Variants in PROS1 observed in about 807,000 individuals in gnomAD.
The protein encoded by PROS1 is vitamin K-dependent protein S.
PROS1 carries 29 observed loss-of-function variants against 75.9 expected under a neutral mutation model. The observed-to-expected ratio is 0.38, with a 90% confidence interval of 0.28 to 0.52. The LOEUF is 0.52. Ranked by LOEUF, PROS1 falls within the 20% of genes least tolerant of loss-of-function variation. The pLI is 0.83. For missense variants in PROS1, 680 were observed against 810.3 expected (o/e 0.84, Z 1.95); for synonymous variants, 245 against 280.6 (o/e 0.87, Z 1.27).
rs758379926 is a variant in PROS1 at position 93,906,166 on chromosome 3, TA to T, written c.347-24del. Reference sequence around the variant, plus strand: ...TGGCTGAAGGAAATAGACATCTATTTATTTTTTTTATCTCATGTCATGGAAA... The same window carrying T: ...TGGCTGAAGGAAATAGACATCTATTTTTTTTTTTATCTCATGTCATGGAAA... On this transcript the variant is annotated intron_variant, in intron 4 of 14. Coordinates refer to ENST00000394236, the MANE Select transcript of PROS1 (RefSeq NM_000313.4). 4.3e-5 allele frequency: 70 copies of T among 1,611,336 alleles called. No homozygotes were observed. In the East Asian group the frequency reaches 1.1e-3, roughly 26 times the overall value.
rs144370793 is a variant in PROS1, at chr3:93,951,350, G to A, written c.76+22324C>T. ...ATATTAAGGGCAGCCAGAGAGAAAC[G>A]TGAGGTTACCCACAAAGGGAATCCC... On this transcript the variant is annotated intron_variant, in intron 1 of 14. Transcript: ENST00000394236. Among the ~76,000 whole-genome samples, 47 of 152,298 alleles carry A rather than the reference G, an allele frequency of 3.1e-4. No homozygotes were observed. In the East Asian group the frequency reaches 8.3e-3, roughly 27 times the overall value.
At chr3:93,965,751 G>A (rs564100243) in intron 1 of PROS1, among the ~76,000 whole-genome samples, 2 of 152,238 alleles carry the variant, frequency 1.3e-5, no homozygotes, top group South Asian at 4.1e-4. Context: ...CTGGAGTGCA[G>A]TGGCATGATC....
intron 1 of PROS1, among the ~76,000 whole-genome samples, chr3:93,961,570 T>G (rs920702170): frequency 1.3e-5 from 2 of 152,200 alleles, no homozygotes; most frequent in African/African-American, 4.8e-5. Context: ...CTTGTGAGAT[T>G]CTGAGCAACT....
chr3:93,915,206 C>T (rs1412213187), intron 3 of PROS1, among the ~76,000 whole-genome samples: 1 of 152,180 alleles, frequency 6.6e-6, no homozygotes, highest in African/African-American at 2.4e-5. Context: ...GTAGCTCATA[C>T]CTGTAATCCC....
At chr3:93,927,193 T>G in intron 2 of PROS1, 57 bp downstream of exon 2, 1 of 1,593,626 alleles carries the variant, frequency 6.3e-7, no homozygotes, top group Non-Finnish European at 8.6e-7. Context: ...CTGGAAATGT[T>G]CAGTCTGTAG....
At chr3:93,876,168 C>T (rs1266366345) in intron 14 of PROS1, among the ~76,000 whole-genome samples, 1 of 152,174 alleles carries the variant, frequency 6.6e-6, no homozygotes, top group Admixed American at 6.5e-5. Flanking sequence ...TCCTCAGTTT[C>T]CTCATCTGTA....
Position 93,927,219 on chromosome 3 carries a change from T to C in PROS1, c.234+31A>G, listed in dbSNP as rs752638877. ...CAGTCTGTAGTTGTATGTCTAGATG[T>C]GTGAACTTGATAGTTTCCATAAATG... On this transcript the variant is annotated intron_variant, in intron 2 of 14. Transcript: ENST00000394236. The C allele has an allele frequency of 8.7e-6, 14 of 1,611,658 alleles. No individual in the cohort carries two copies. The Admixed American group carries it at 2.3e-4, about 27-fold the overall frequency.
At chr3:93,880,798 GATTA>G (rs1708266181) in intron 12 of PROS1, among the ~76,000 whole-genome samples, 1 of 152,052 alleles carries the variant, frequency 6.6e-6, no homozygotes, top group Non-Finnish European at 1.5e-5. Flanking sequence ...TCCATGAAAT[GATTA>G]ATTACTTATT....
chr3:93,949,510 T>C (rs1418840427), intron 1 of PROS1, among the ~76,000 whole-genome samples: 1 of 152,058 alleles, frequency 6.6e-6, no homozygotes, highest in Non-Finnish European at 1.5e-5. Flanking sequence ...CAATCTGTAC[T>C]AGTAAAAATC....
intron 1 of PROS1, 25 bp from the exon 2 acceptor site, chr3:93,927,432 G>A (rs1308903648): frequency 6.2e-7 from 1 of 1,608,276 alleles, no homozygotes; most frequent in South Asian, 1.1e-5. Context: ...CAGTTTATAT[G>A]AATTAATCAT....
At chr3:93,938,770 C>T (rs554875711) in intron 1 of PROS1, among the ~76,000 whole-genome samples, 118 of 152,266 alleles carry the variant, frequency 7.7e-4, no homozygotes, top group African/African-American at 2.7e-3. Flanking sequence ...GGGAAGACAG[C>T]CTTCCCTTGG....
In PROS1 at chr3:93,892,845, T is replaced by C. The variant is rs1399107634; in HGVS notation, c.1155+88A>G. The C allele has an allele frequency of 5.5e-6, 7 of 1,269,754 alleles. No individual in the cohort carries two copies. The Admixed American group carries it at 1.2e-4, about 21-fold the overall frequency. 78.7% of individuals were successfully genotyped at this position (1,269,754 alleles called of 1,614,324 possible). A position where few individuals can be genotyped will look rare whatever the true frequency, so the allele number is the denominator to read the frequency against. On this transcript the variant is annotated intron_variant, in intron 10 of 14. Transcript: ENST00000394236. ...TAGCATCAGATAACTCCAAATCCAT[T>C]TTGGTTTGGTATCACTATAAAAATA...
At chr3:93,903,410 T>A (rs937119423) in intron 6 of PROS1, among the ~76,000 whole-genome samples, 7 of 152,126 alleles carry the variant, frequency 4.6e-5, no homozygotes, top group Admixed American at 2.0e-4. Flanking sequence ...ATGCCTGTAA[T>A]CCCACGACCT....
chr3:93,938,914 G>T (rs182498347), intron 1 of PROS1, among the ~76,000 whole-genome samples: 35 of 152,134 alleles, frequency 2.3e-4, no homozygotes, highest in Admixed American at 2.1e-3. Context: ...GCCTGCTTTG[G>T]CTGCTCACCC....
intron 1 of PROS1, among the ~76,000 whole-genome samples, chr3:93,946,954 C>T (rs908688073): frequency 2.8e-4 from 42 of 151,358 alleles, no homozygotes; most frequent in African/African-American, 8.0e-4. Context: ...CTACAAAGAA[C>T]TTAAGCAAAT....
intron 1 of PROS1, among the ~76,000 whole-genome samples, chr3:93,928,373 A>G (rs1709058149): frequency 2.0e-5 from 3 of 151,754 alleles, no homozygotes. Context: ...GCCTATGTCA[A>G]AAGCCATAGT....
intron 1 of PROS1, among the ~76,000 whole-genome samples, chr3:93,950,500 G>A (rs552735834): frequency 2.4e-4 from 37 of 152,276 alleles, no homozygotes; most frequent in African/African-American, 8.7e-4. Context: ...GAGGAAGGGT[G>A]AGGCAGCGAC....
chr3:93,928,655 CATAACAA>C, intron 1 of PROS1: 1 of 742,770 alleles, frequency 1.3e-6, no homozygotes, highest in South Asian at 1.7e-5. Flanking sequence ...ATAAAAATAA[CATAACAA>C]AGTTCAATAT....
intron 1 of PROS1, among the ~76,000 whole-genome samples, chr3:93,960,620 A>G (rs899435360): frequency 2.4e-5 from 3 of 123,742 alleles, no homozygotes; most frequent in Non-Finnish European, 4.7e-5. Flanking sequence ...AAAGAGATTT[A>G]TGCAAACCAC....
Sources: allele counts gnomAD v4.1 joint callset (sites outside exome capture counted in the v4.1 genomes callset), GRCh38; gene constraint gnomAD v4.1.1; transcripts MANE v1.5; gene names NCBI Gene and HGNC (gene_info 2026-07-23, HGNC 2026-07-21).